Variants in TMEM108 observed in about 807,000 individuals in gnomAD.
TMEM108 encodes cancer/testis antigen 124.
TMEM108 carries 12 observed loss-of-function variants against 35.1 expected under a neutral mutation model. The observed-to-expected ratio is 0.34, with a 90% CI of 0.22 to 0.55. The LOEUF (loss-of-function observed/expected upper bound fraction) is 0.55. Ranked by LOEUF, TMEM108 falls within the 20% of genes least tolerant of loss-of-function variation. The pLI is 0.89. For missense variants in TMEM108, 680 were observed against 753.3 expected (o/e 0.90, Z 1.14); for synonymous variants, 287 against 308.6 (o/e 0.93, Z 0.73).
At chr3:133,137,470 T>C (rs1275953850) in intron 2 of TMEM108, among the ~76,000 whole-genome samples, 1 of 152,216 alleles carries the variant, frequency 6.6e-6, no homozygotes, top group Non-Finnish European at 1.5e-5. Flanking sequence ...CCCAGCCTTC[T>C]ATCCCCAGAT....
chr3:133,243,697 C>CT (rs892168582), intron 3 of TMEM108, among the ~76,000 whole-genome samples: 8 of 151,870 alleles, frequency 5.3e-5, no homozygotes, highest in East Asian at 3.9e-4. Flanking sequence ...ATTTTTTGTA[C>CT]TTTTTTTAGT....
At chr3:133,302,642 G>A (rs1383662619) in intron 3 of TMEM108, among the ~76,000 whole-genome samples, 6 of 151,828 alleles carry the variant, frequency 4.0e-5, no homozygotes, top group Admixed American at 1.3e-4. Context: ...GGATGGTCTC[G>A]ATCTCCTGAC....
At chr3:133,146,721 A>G (rs145049390) in intron 2 of TMEM108, among the ~76,000 whole-genome samples, 2 of 152,222 alleles carry the variant, frequency 1.3e-5, no homozygotes, top group East Asian at 1.9e-4. Flanking sequence ...GAATTTATCA[A>G]ATTCTTCTAG....
chr3:133,166,452 C>T lies in TMEM108; in HGVS notation c.-46-62814C>T, dbSNP rs144554738. On this transcript the variant is annotated intron_variant, in intron 2 of 5. Coordinates refer to ENST00000321871, the MANE Select transcript of TMEM108 (RefSeq NM_023943.4). Reference sequence around the variant, plus strand: ...CTTCAAGAATGAAGCCGTGGACCCTCGCAGTGAGCGTTACAGTTCTTAAAG... The same window carrying T: ...CTTCAAGAATGAAGCCGTGGACCCTTGCAGTGAGCGTTACAGTTCTTAAAG... 7.8e-3 allele frequency among the ~76,000 whole-genome samples: 1,193 copies of T among 152,320 alleles called. 4 individuals are homozygous for T. Among genetic ancestry groups the T allele is most frequent in the Non-Finnish European group, 0.014 (937 of 68,032 alleles).
intron 3 of TMEM108, among the ~76,000 whole-genome samples, chr3:133,338,376 T>C (rs539642597): frequency 1.3e-5 from 2 of 152,226 alleles, no homozygotes; most frequent in East Asian, 1.9e-4. Flanking sequence ...AGTGGAAACC[T>C]TACAGGCCAA....
chr3:133,298,219 A>G (rs1450615244), intron 3 of TMEM108, among the ~76,000 whole-genome samples: 1 of 152,130 alleles, frequency 6.6e-6, no homozygotes, highest in Non-Finnish European at 1.5e-5. Flanking sequence ...GTAGGATTCT[A>G]TTAACTCTCT....
chr3:133,160,364 C>T (rs546648369), intron 2 of TMEM108, among the ~76,000 whole-genome samples: 38 of 152,310 alleles, frequency 2.5e-4, no homozygotes, highest in Middle Eastern at 3.4e-3. Context: ...TCAACATAGG[C>T]ACACCTAAGG....
intron 3 of TMEM108, among the ~76,000 whole-genome samples, chr3:133,370,923 C>CG (rs2072648993): frequency 1.4e-5 from 1 of 69,956 alleles, no homozygotes; most frequent in East Asian, 4.9e-4. Context: ...TGTGTGTGTG[C>CG]CAGGAAGCTT....
At chr3:133,278,662 A>G (rs546453344) in intron 3 of TMEM108, among the ~76,000 whole-genome samples, 22 of 152,352 alleles carry the variant, frequency 1.4e-4, no homozygotes, top group African/African-American at 5.3e-4. Flanking sequence ...AACATAGAAA[A>G]GGTACGATGA....
intron 2 of TMEM108, among the ~76,000 whole-genome samples, chr3:133,112,875 C>T (rs1944242742): frequency 6.6e-6 from 1 of 152,006 alleles, no homozygotes; most frequent in South Asian, 2.1e-4. Flanking sequence ...AATTGTGCAA[C>T]AAAACCCACA....
chr3:133,161,355 T>C (rs1045459950), intron 2 of TMEM108, among the ~76,000 whole-genome samples: 46 of 152,202 alleles, frequency 3.0e-4, no homozygotes, highest in African/African-American at 1.1e-3. Context: ...AGCCACTCTG[T>C]CACTCTTTCT....
At chr3:133,303,531 C>A (rs1466133782) in intron 3 of TMEM108, among the ~76,000 whole-genome samples, 6 of 152,222 alleles carry the variant, frequency 3.9e-5, no homozygotes, top group African/African-American at 1.4e-4. Flanking sequence ...TTCCTAATGT[C>A]CCCCTTCTAA....
intron 1 of TMEM108, among the ~76,000 whole-genome samples, chr3:133,042,521 A>T (rs890316067): frequency 6.6e-6 from 1 of 152,236 alleles, no homozygotes; most frequent in East Asian, 1.9e-4. Context: ...GTCTAAAGTT[A>T]TATGGTTAGG....
intron 1 of TMEM108, chr3:133,041,798 C>T (rs1943279724): frequency 2.6e-5 from 4 of 152,186 alleles, no homozygotes; most frequent in Admixed American, 2.0e-4. Context: ...AGCTAGTCTA[C>T]ACACATGGAT....
chr3:133,085,147 C>T (rs1943865395), intron 2 of TMEM108, among the ~76,000 whole-genome samples: 1 of 152,162 alleles, frequency 6.6e-6, no homozygotes, highest in Non-Finnish European at 1.5e-5. Context: ...AATTATTGAA[C>T]TTAGCTAACA....
chr3:133,256,000 A>G (rs557957741), intron 3 of TMEM108, among the ~76,000 whole-genome samples: 1 of 152,286 alleles, frequency 6.6e-6, no homozygotes, highest in South Asian at 2.1e-4. Flanking sequence ...CTTCTCAAAA[A>G]TAAATAAATA....
At chr3:133,043,090 C>T (rs898398762) in intron 1 of TMEM108, among the ~76,000 whole-genome samples, 6 of 152,180 alleles carry the variant, frequency 3.9e-5, no homozygotes, top group Non-Finnish European at 8.8e-5. Context: ...TATGCTGTTT[C>T]CTGTAAGAAA....
chr3:133,347,113 A>G (rs1419516837), intron 3 of TMEM108, among the ~76,000 whole-genome samples: 5 of 152,110 alleles, frequency 3.3e-5, no homozygotes, highest in South Asian at 2.1e-4. Context: ...TGCATTGGCT[A>G]TTGGTCTTTT....
At chr3:133,155,372 T>A (rs1446188283) in intron 2 of TMEM108, among the ~76,000 whole-genome samples, 2 of 152,176 alleles carry the variant, frequency 1.3e-5, no homozygotes. Context: ...TCTGGGTATA[T>A]ACCCAGTAGT....
Sources: gnomAD v4.1 joint callset for allele counts (sites outside exome capture counted in the v4.1 genomes callset) on GRCh38, gnomAD v4.1.1 for gene constraint, MANE v1.5 for transcripts, NCBI Gene and HGNC (gene_info 2026-07-23, HGNC 2026-07-21) for gene names.